Variants in GNG12 observed in about 807,000 individuals in gnomAD.
GNG12 encodes the protein guanine nucleotide-binding protein G(I)/G(S)/G(O) subunit gamma-12.
For missense variants in GNG12, 69 were observed against 83.8 expected (o/e 0.82, Z 0.69); for synonymous variants, 28 against 29.7 (o/e 0.94, Z 0.19).
chr1:67,789,065 G>C (rs1366233447), intron 1 of GNG12, among the ~76,000 whole-genome samples: 1 of 152,218 alleles, frequency 6.6e-6, no homozygotes, highest in East Asian at 1.9e-4. Context: ...CCAATAAAAG[G>C]AAGGAAAAGC....
At chr1:67,805,858 T>C (rs1646891763) in intron 1 of GNG12, among the ~76,000 whole-genome samples, 1 of 149,984 alleles carries the variant, frequency 6.7e-6, no homozygotes, top group Non-Finnish European at 1.5e-5. Flanking sequence ...GCATAACATA[T>C]TCCAACCTCA....
intron 2 of GNG12, among the ~76,000 whole-genome samples, chr1:67,755,324 G>C (rs183061516): frequency 1.3e-5 from 2 of 152,172 alleles, no homozygotes; most frequent in Non-Finnish European, 2.9e-5. Context: ...CTGTTACTTG[G>C]AGCTCAAACA....
At chr1:67,818,441 T>TA (rs71064963) in intron 1 of GNG12, among the ~76,000 whole-genome samples, 3 of 139,690 alleles carry the variant, frequency 2.1e-5, no homozygotes, top group Non-Finnish European at 3.1e-5. Flanking sequence ...TTTTTTTTTT[T>TA]ACTTCCAATT....
chr1:67,750,468 G>A (rs1445308245), intron 2 of GNG12, among the ~76,000 whole-genome samples: 2 of 152,050 alleles, frequency 1.3e-5, no homozygotes, highest in African/African-American at 2.4e-5. Flanking sequence ...GCTTTTTGAG[G>A]GCAGAAACAC....
rs1213656509 is a variant in GNG12 at position 67,703,632 on chromosome 1, G to A, written c.*1819C>T. The A allele has an allele frequency of 1.3e-5, 2 of 152,166 alleles. No individual in the cohort carries two copies. Among genetic ancestry groups the A allele is most frequent in the Admixed American group, 1.3e-4 (2 of 15,278 alleles). 9.4% of individuals were successfully genotyped at this position (152,166 alleles called of 1,614,324 possible). On this transcript the variant is annotated 3_prime_UTR_variant, in exon 4 of 4. Transcript: ENST00000370982. ...CTAAACAGGTACCTATAATTGATTT[G>A]GGAACTGGGCATATCGCAGAACGAA... is the stretch of plus-strand genomic sequence containing the variant.
intron 1 of GNG12, among the ~76,000 whole-genome samples, chr1:67,820,300 A>T (rs1316308262): frequency 6.6e-6 from 1 of 151,858 alleles, no homozygotes; most frequent in African/African-American, 2.4e-5. Flanking sequence ...GAGACAGGAG[A>T]ATTGCTTGAA....
intron 2 of GNG12, among the ~76,000 whole-genome samples, chr1:67,755,520 C>T (rs368628825): frequency 7.2e-5 from 11 of 152,186 alleles, no homozygotes; most frequent in Admixed American, 2.6e-4. Context: ...GAGCCAGCAT[C>T]GTCTTCCGGC....
intron 3 of GNG12, among the ~76,000 whole-genome samples, chr1:67,706,510 T>A (rs949497504): frequency 6.6e-5 from 10 of 152,056 alleles, no homozygotes; most frequent in African/African-American, 2.4e-4. Flanking sequence ...CAGAATAGGA[T>A]CTCTTTGCCC....
chr1:67,777,964 A>T (rs1162246450), intron 1 of GNG12, among the ~76,000 whole-genome samples: 1 of 152,026 alleles, frequency 6.6e-6, no homozygotes, highest in Non-Finnish European at 1.5e-5. Flanking sequence ...ATAAACACAG[A>T]TTTTTGTCTT....
At chr1:67,781,643 G>A (rs1286582528) in intron 1 of GNG12, among the ~76,000 whole-genome samples, 1 of 152,162 alleles carries the variant, frequency 6.6e-6, no homozygotes, top group Non-Finnish European at 1.5e-5. Flanking sequence ...AGAGGCAATA[G>A]TGAACAAATG....
chr1:67,796,222 A>G (rs1386079084), intron 1 of GNG12, among the ~76,000 whole-genome samples: 3 of 152,210 alleles, frequency 2.0e-5, no homozygotes, highest in Non-Finnish European at 4.4e-5. Flanking sequence ...AACATATACT[A>G]CATTATCCCC....
chr1:67,817,517 C>A (rs1646959674), intron 1 of GNG12, among the ~76,000 whole-genome samples: 1 of 152,180 alleles, frequency 6.6e-6, no homozygotes, highest in Non-Finnish European at 1.5e-5. Context: ...TCCACCCTAA[C>A]TATGACCCCA....
At chr1:67,736,319 C>G (rs998962745) in intron 2 of GNG12, among the ~76,000 whole-genome samples, 1 of 152,132 alleles carries the variant, frequency 6.6e-6, no homozygotes, top group Admixed American at 6.5e-5. Context: ...CCGAACCAAG[C>G]AGCAGGCAGG....
At chr1:67,739,307 C>T (rs772500481) in intron 2 of GNG12, among the ~76,000 whole-genome samples, 1 of 152,210 alleles carries the variant, frequency 6.6e-6, no homozygotes, top group Non-Finnish European at 1.5e-5. Context: ...AATGGTAATA[C>T]CATTCACCCA....
In GNG12 at chr1:67,824,522, A is replaced by T. The variant is rs12069982; in HGVS notation, c.-77+8822T>A. On this transcript the variant is annotated intron_variant, in intron 1 of 3. Transcript: ENST00000370982. ...GAGATCCTGTCTCAAAAAAAAAAAA[A>T]AAAAAAGGAAGCAAGAAAAGAAAAG... 3.0e-3 allele frequency among the ~76,000 whole-genome samples: 461 copies of T among 151,824 alleles called. 2 individuals carry two copies. Among genetic ancestry groups the T allele is most frequent in the African/African-American group, 0.011 (442 of 41,428 alleles).
intron 1 of GNG12, among the ~76,000 whole-genome samples, chr1:67,786,862 G>C (rs1347954742): frequency 6.6e-6 from 1 of 151,992 alleles, no homozygotes; most frequent in African/African-American, 2.4e-5. Context: ...GCTTGAACCT[G>C]GGAGGTGGAG....
At chr1:67,734,835 C>A (rs999969471) in intron 2 of GNG12, among the ~76,000 whole-genome samples, 3 of 152,052 alleles carry the variant, frequency 2.0e-5, no homozygotes, top group African/African-American at 7.2e-5. Context: ...AAATGTATTA[C>A]AATTTTTATT....
At chr1:67,790,583 C>A (rs1646796538) in intron 1 of GNG12, among the ~76,000 whole-genome samples, 1 of 151,748 alleles carries the variant, frequency 6.6e-6, no homozygotes, top group Admixed American at 6.6e-5. Flanking sequence ...CGTAAGGTCC[C>A]CTGACTGCAT....
At chr1:67,791,364 A>G (rs1646801172) in intron 1 of GNG12, among the ~76,000 whole-genome samples, 1 of 151,898 alleles carries the variant, frequency 6.6e-6, no homozygotes, top group African/African-American at 2.4e-5. Flanking sequence ...TCAAATCTCT[A>G]TCTCCAGTCT....
Sources: allele counts gnomAD v4.1 joint callset (sites outside exome capture counted in the v4.1 genomes callset), GRCh38; gene constraint gnomAD v4.1.1; transcripts MANE v1.5; gene names NCBI Gene and HGNC (gene_info 2026-07-23, HGNC 2026-07-21).